The following CUX2 variants were observed in gnomAD, a reference collection of about 807,000 sequenced individuals.
The protein encoded by CUX2 is homeobox protein cut-like 2.
Under a neutral mutation model 144.8 loss-of-function variants are expected in CUX2, and 40 were observed. The observed-to-expected ratio is 0.28, with a 90% confidence interval of 0.21 to 0.36. CUX2 has a LOEUF of 0.36. CUX2 is among the 10% of genes least tolerant of loss of function. The probability of loss-of-function intolerance (pLI) is 1.00; values close to 1 mark genes in which losing one functional copy is unlikely to be tolerated. For synonymous variants in CUX2, 827 were observed against 875.6 expected (o/e 0.94, Z 0.98); for missense variants, 1,615 against 1,994.0 (o/e 0.81, Z 3.62).
Position 111,186,166 on chromosome 12 carries a change from G to A in CUX2, c.64-28034G>A, listed in dbSNP as rs1310990858. ...GGCATTTCTCCTCTTTCCCACTCTC[G>A]GCATCCATCCTGCCTTCCCTTCCCT... On this transcript the variant is annotated intron_variant, in intron 1 of 21. Coordinates refer to ENST00000261726, the MANE Select transcript of CUX2 (RefSeq NM_015267.4). The surrounding 1 kb of genome is among the most constrained non-coding windows in gnomAD (Gnocchi z 4.4). Among the ~76,000 whole-genome samples, 3 of 151,272 alleles carry A rather than the reference G, an allele frequency of 2.0e-5. No individual in the cohort carries two copies. Among genetic ancestry groups the A allele is most frequent in the Non-Finnish European group, 1.5e-5 (1 of 67,958 alleles).
In CUX2 at chr12:111,039,818, A is replaced by C. The variant is rs1869651874; in HGVS notation, c.63+5578A>C. Among the ~76,000 whole-genome samples, 1 of 152,060 alleles carries C rather than the reference A, an allele frequency of 6.6e-6. No homozygotes were observed. The highest frequency in any genetic ancestry group is 2.1e-4 in the South Asian group (1 of 4,812). ...AAGTGCTGGGATTACAAGTGTGATG[A>C]CCTTGGGCCCCTCCCCTTCTTTCTC... On this transcript the variant is annotated intron_variant, in intron 1 of 21. Transcript: ENST00000261726. The surrounding 1 kb of genome is among the most constrained non-coding windows in gnomAD (Gnocchi z 4.2).
At chr12:111,292,654 T>A (rs372926601) in intron 5 of CUX2, among the ~76,000 whole-genome samples, 6 of 152,188 alleles carry the variant, frequency 3.9e-5, no homozygotes, top group African/African-American at 1.4e-4. Context: ...GGCCACGTAA[T>A]GTACGATTCT....
At position 111,049,194 on chromosome 12, in the gene CUX2, C is replaced by CAAGA. The variant is rs1482620406; in HGVS notation, c.63+14955_63+14956insAGAA. Among the ~76,000 whole-genome samples the CAAGA allele has an allele frequency of 3.6e-3, 549 of 152,068 alleles. 5 individuals carry two copies. The highest frequency in any genetic ancestry group is 0.013 in the African/African-American group (520 of 41,474). Reference sequence around the variant, plus strand: ...GAATTCATCCATCCATCCATCCATCCATGAATTCATCCATCCACGAATTCA... The same window carrying CAAGA: ...GAATTCATCCATCCATCCATCCATCCAAGAATGAATTCATCCATCCACGAATTCA... On this transcript the variant is annotated intron_variant, in intron 1 of 21. Transcript: ENST00000261726.
rs1870936473 is a variant in CUX2, at chr12:111,064,373, T to G, written c.63+30133T>G. On this transcript the variant is annotated intron_variant, in intron 1 of 21. Coordinates refer to ENST00000261726, the MANE Select transcript of CUX2 (RefSeq NM_015267.4). ...TCTATAAAATGGGGATAAAATAACT[T>G]CCTCGTAGGGCTATCATGGGATTTA... 2.0e-5 allele frequency among the ~76,000 whole-genome samples: 3 copies of G among 152,178 alleles called. No individual in the cohort carries two copies. The South Asian group carries it at 6.2e-4, about 32-fold the overall frequency.
At chr12:111,300,694 T>C (rs781072298) in intron 9 of CUX2, among the ~76,000 whole-genome samples, 1 of 152,144 alleles carries the variant, frequency 6.6e-6, no homozygotes, top group African/African-American at 2.4e-5. Flanking sequence ...CATGAAAGCA[T>C]AGACAATATG....
chr12:111,264,224 C>A (rs781645491), intron 4 of CUX2, among the ~76,000 whole-genome samples: 1 of 152,192 alleles, frequency 6.6e-6, no homozygotes, highest in Non-Finnish European at 1.5e-5. Flanking sequence ...GTACCTCCCC[C>A]AGAATGGCAC....
At chr12:111,346,697 T>C (rs2136457326) in intron 21 of CUX2, among the ~76,000 whole-genome samples, 2 of 152,300 alleles carry the variant, frequency 1.3e-5, no homozygotes, top group East Asian at 3.9e-4. Context: ...TACTGAAAAT[T>C]TCTTGACTTC....
chr12:111,090,585 A>G (rs1872501545), intron 1 of CUX2, among the ~76,000 whole-genome samples: 1 of 151,932 alleles, frequency 6.6e-6, no homozygotes, highest in Non-Finnish European at 1.5e-5. Context: ...TTACTACACT[A>G]TTCTTTGGTC....
chr12:111,342,570 C>T (rs565611263), intron 21 of CUX2, among the ~76,000 whole-genome samples: 1 of 152,252 alleles, frequency 6.6e-6, no homozygotes, highest in South Asian at 2.1e-4. Context: ...CCCTGAGCCT[C>T]AGTCTTCTAA....
chr12:111,069,216 GT>G (rs1482405652), intron 1 of CUX2, among the ~76,000 whole-genome samples: 1 of 152,202 alleles, frequency 6.6e-6, no homozygotes, highest in African/African-American at 2.4e-5. Context: ...AGTGAAGACA[GT>G]ATGGGAAAAT....
intron 1 of CUX2, among the ~76,000 whole-genome samples, chr12:111,209,234 AC>A (rs1881078213): frequency 6.6e-6 from 1 of 152,134 alleles, no homozygotes; most frequent in African/African-American, 2.4e-5. Flanking sequence ...CCCCATCTCT[AC>A]AAAAAATAAA....
At chr12:111,151,158 G>T (rs1372965680) in intron 1 of CUX2, among the ~76,000 whole-genome samples, 1 of 152,196 alleles carries the variant, frequency 6.6e-6, no homozygotes, top group Non-Finnish European at 1.5e-5. Context: ...GTTTTAAATT[G>T]GCTAATGCAG....
In CUX2 at chr12:111,295,266, T is replaced by G; in HGVS notation, c.561-67T>G. 1 of 1,477,172 alleles carries G rather than the reference T, an allele frequency of 6.8e-7. No individual in the cohort carries two copies. The highest frequency in any genetic ancestry group is 9.3e-7 in the Non-Finnish European group (1 of 1,076,818). The allele number at this position is 1,477,172 out of a possible 1,614,324, so 91.5% of individuals were successfully genotyped here. ...CAAGGGGTAGGAAGCAAGATGGGGCTCGACTCGGGGGCCCCAGGCAAGGCC... is the reference window on the plus strand; with the variant it reads ...CAAGGGGTAGGAAGCAAGATGGGGCGCGACTCGGGGGCCCCAGGCAAGGCC... On this transcript the variant is annotated intron_variant, in intron 6 of 21. Coordinates refer to ENST00000261726, the MANE Select transcript of CUX2 (RefSeq NM_015267.4). The surrounding 1 kb of genome is among the most constrained non-coding windows in gnomAD (Gnocchi z 5.0).
chr12:111,247,804 C>T (rs572610328), intron 3 of CUX2, among the ~76,000 whole-genome samples: 1 of 152,222 alleles, frequency 6.6e-6, no homozygotes, highest in Non-Finnish European at 1.5e-5. Flanking sequence ...GTCATCTTCT[C>T]ACACACCCTC....
At chr12:111,344,776 A>G (rs1255247797) in intron 21 of CUX2, among the ~76,000 whole-genome samples, 1 of 152,182 alleles carries the variant, frequency 6.6e-6, no homozygotes, top group African/African-American at 2.4e-5. Flanking sequence ...GGGCAAGAAA[A>G]TATAAGCCAG....
intron 1 of CUX2, among the ~76,000 whole-genome samples, chr12:111,078,770 G>C (rs1370472309): frequency 1.3e-5 from 2 of 152,186 alleles, no homozygotes; most frequent in Admixed American, 1.3e-4. Context: ...TGAGTTTGGT[G>C]ATGGAAAAGG....
At chr12:111,232,794 T>C (rs1882545160) in intron 3 of CUX2, among the ~76,000 whole-genome samples, 1 of 152,220 alleles carries the variant, frequency 6.6e-6, no homozygotes, top group Admixed American at 6.5e-5. Flanking sequence ...CACATATTCA[T>C]TCATTCATTT....
chr12:111,038,487 G>A (rs1459015618), intron 1 of CUX2, among the ~76,000 whole-genome samples: 1 of 152,238 alleles, frequency 6.6e-6, no homozygotes, highest in African/African-American at 2.4e-5. Flanking sequence ...AGACAGCTCT[G>A]AGAATAAGAC....
chr12:111,251,998 A>G (rs1418226902), intron 3 of CUX2, among the ~76,000 whole-genome samples: 3 of 152,118 alleles, frequency 2.0e-5, no homozygotes, highest in Non-Finnish European at 4.4e-5. Context: ...TGGGCAACAT[A>G]GCAAGACCCC....
Sources: allele counts gnomAD v4.1 joint callset (sites outside exome capture counted in the v4.1 genomes callset), GRCh38; gene constraint gnomAD v4.1.1; non-coding constraint Gnocchi (gnomAD v3.1); transcripts MANE v1.5; gene names NCBI Gene and HGNC (gene_info 2026-07-23, HGNC 2026-07-21).